ZDHHC6: variants seen among roughly 807,000 people sequenced by gnomAD.
ZDHHC6 encodes zDHHC palmitoyltransferase 6, also known as palmitoyltransferase ZDHHC6.
Under a neutral mutation model 57.8 loss-of-function variants are expected in ZDHHC6, and 32 were observed. The ratio of observed to expected loss-of-function variants is 0.55; its 90% confidence interval spans 0.42 to 0.74. The LOEUF (loss-of-function observed/expected upper bound fraction) is 0.74, where lower values mean the gene tolerates loss of function less well. Among genes scored for constraint, ZDHHC6 ranks in the 30% least tolerant of loss-of-function variants. ZDHHC6 has a pLI of 0.00. For synonymous variants in ZDHHC6, 128 were observed against 158.0 expected (o/e 0.81, Z 1.42); for missense variants, 433 against 500.7 (o/e 0.86, Z 1.29).
chr10:112,442,174 A>G lies in ZDHHC6; in HGVS notation c.519+18T>C. 3.1e-6 allele frequency: 5 copies of G among 1,588,134 alleles called. No homozygotes were observed. The highest frequency in any genetic ancestry group is 1.2e-5 in the South Asian group (1 of 86,512). On this transcript the variant is annotated intron_variant, in intron 4 of 10. Coordinates refer to ENST00000369405, the MANE Select transcript of ZDHHC6 (RefSeq NM_022494.3). The stretch of plus-strand genomic sequence containing the variant: ...TGCATGGATGATTTTATAACAAAAC[A>G]TTTTCATTTTCACTTACCCGATGAT...
upstream of ZDHHC6, chr10:112,447,291 C>G: frequency 6.7e-7 from 1 of 1,490,658 alleles, no homozygotes; most frequent in Non-Finnish European, 9.1e-7. Flanking sequence ...TCCGGGGTTC[C>G]TAAGCCGCGG....
chr10:112,435,241 T>G (rs551621738), intron 6 of ZDHHC6, among the ~76,000 whole-genome samples: 1 of 152,328 alleles, frequency 6.6e-6, no homozygotes, highest in South Asian at 2.1e-4. Context: ...AAAGATACAT[T>G]ATTTATTTTA....
intron 6 of ZDHHC6, 114 bp from the exon 7 acceptor site, chr10:112,434,578 C>A (rs1355507582): frequency 1.8e-6 from 2 of 1,098,302 alleles, no homozygotes; most frequent in South Asian, 3.6e-5. Flanking sequence ...AATACTTCCT[C>A]CTTGCTGTAA....
chr10:112,438,511 A>G, intron 5 of ZDHHC6, 122 bp from the exon 6 acceptor site: 1 of 813,372 alleles, frequency 1.2e-6, no homozygotes, highest in South Asian at 2.3e-5. Context: ...ACCAAGGATA[A>G]CAGAGGTTAA....
At chr10:112,427,410 T>A (rs1844775889), downstream of ZDHHC6, 1 of 1,497,150 alleles carries the variant, frequency 6.7e-7, no homozygotes, top group Non-Finnish European at 9.0e-7. Flanking sequence ...TGTGAGAAAA[T>A]GGATTAAAAA....
At chr10:112,425,488 T>C (rs925477671), downstream of ZDHHC6, 2 of 1,597,916 alleles carry the variant, frequency 1.3e-6, no homozygotes, top group Admixed American at 1.7e-5. Flanking sequence ...ACGGGTAATA[T>C]ATCATTTTAA....
chr10:112,429,961 G>A (rs1012947458), downstream of ZDHHC6, among the ~76,000 whole-genome samples: 9 of 94,012 alleles, frequency 9.6e-5, no homozygotes, highest in Admixed American at 1.0e-3. Context: ...AGGCCAAGCA[G>A]TTGTTGGGGG....
chr10:112,428,209 A>G (rs371440394), downstream of ZDHHC6: 13 of 372,288 alleles, frequency 3.5e-5, 1 homozygote, highest in East Asian at 1.5e-4. Context: ...ACTGGGAACA[A>G]AGATCTACAG....
chr10:112,447,029 T>G (rs1207221999), upstream of ZDHHC6: 2 of 285,578 alleles, frequency 7.0e-6, no homozygotes, highest in Non-Finnish European at 1.4e-5. Flanking sequence ...CCGGAGCCGA[T>G]TCCCAGAACA....
chr10:112,447,534 C>G (rs1167174937), upstream of ZDHHC6: 1 of 1,551,044 alleles, frequency 6.4e-7, no homozygotes, highest in African/African-American at 1.4e-5. Flanking sequence ...GGTGGAACGC[C>G]GCCCGAGTAA....
At chr10:112,429,837 G>A (rs1042051886), downstream of ZDHHC6, among the ~76,000 whole-genome samples, 9 of 152,224 alleles carry the variant, frequency 5.9e-5, no homozygotes, top group Non-Finnish European at 8.8e-5. Flanking sequence ...GGGGGCCTAG[G>A]CGGCAGGGCG....
chr10:112,439,674 G>GA (rs1199093801), intron 5 of ZDHHC6, among the ~76,000 whole-genome samples: 5 of 67,424 alleles, frequency 7.4e-5, no homozygotes, highest in Admixed American at 3.1e-4. Flanking sequence ...AAAAAAGAAT[G>GA]AAAAAGAATG....
intron 6 of ZDHHC6, among the ~76,000 whole-genome samples, chr10:112,435,928 AAAAGGGAAC>A (rs1342197051): frequency 5.9e-5 from 9 of 152,292 alleles, no homozygotes; most frequent in African/African-American, 2.2e-4. Flanking sequence ...ATGCTATGGG[AAAAGGGAAC>A]AAAGGAAACA....
chr10:112,443,320 GAAGAA>G (rs1846317282), intron 3 of ZDHHC6, among the ~76,000 whole-genome samples, 190 bp downstream of exon 3: 7 of 152,134 alleles, frequency 4.6e-5, no homozygotes, highest in Non-Finnish European at 7.3e-5. Flanking sequence ...TTGTAACAAG[GAAGAA>G]TTAAATCTAT....
chr10:112,424,555 AGGGT>A (rs1844597718), exon 12 of ZDHHC6: 1 of 152,242 alleles, frequency 6.6e-6, no homozygotes, highest in African/African-American at 2.4e-5. Flanking sequence ...TCCCCACACC[AGGGT>A]TATAGAAGGC....
chr10:112,447,195 C>T (rs958300528), upstream of ZDHHC6: 11 of 594,966 alleles, frequency 1.8e-5, no homozygotes, highest in Non-Finnish European at 2.9e-5. Context: ...ACCCAATTTC[C>T]GGAGAACCGA....
intron 2 of ZDHHC6, 74 bp downstream of exon 2, chr10:112,445,096 T>C (rs935106750): frequency 1.3e-6 from 2 of 1,500,270 alleles, no homozygotes; most frequent in Admixed American, 2.0e-5. Flanking sequence ...TTTGGTATTA[T>C]TGGTTAGTAG....
intron 6 of ZDHHC6, among the ~76,000 whole-genome samples, chr10:112,436,555 G>A (rs1845551801): frequency 6.6e-6 from 1 of 152,190 alleles, no homozygotes; most frequent in African/African-American, 2.4e-5. Context: ...GTACATCAGT[G>A]GTTCTCAAAG....
intron 6 of ZDHHC6, among the ~76,000 whole-genome samples, chr10:112,437,320 T>C (rs1324378448): frequency 6.6e-6 from 1 of 152,218 alleles, no homozygotes; most frequent in Non-Finnish European, 1.5e-5. Context: ...ATTTGCCAAA[T>C]GACCGATGCC....
Sources: allele counts gnomAD v4.1 joint callset (sites outside exome capture counted in the v4.1 genomes callset), GRCh38; gene constraint gnomAD v4.1.1; transcripts MANE v1.5; gene names NCBI Gene and HGNC (gene_info 2026-07-23, HGNC 2026-07-21).